Variants in PRKCQ observed in about 807,000 individuals in gnomAD.
PRKCQ encodes protein kinase C theta.
In PRKCQ, 41 loss-of-function variants were observed where a neutral mutation model predicts 91.2. The ratio of observed to expected loss-of-function variants is 0.45; its 90% CI spans 0.35 to 0.58. PRKCQ has a LOEUF of 0.58. Among genes scored for constraint, PRKCQ ranks in the 20% least tolerant of loss-of-function variants. The probability of loss-of-function intolerance (pLI) is 0.00; values close to 1 mark genes in which losing one functional copy is unlikely to be tolerated. For synonymous variants in PRKCQ, 307 were observed against 316.9 expected, an observed-to-expected ratio of 0.97 and a Z score of 0.33; for missense variants, 673 against 896.5, an observed-to-expected ratio of 0.75 and a Z score of 3.18.
chr10:6,544,562 A>C (rs1287845674), intron 1 of PRKCQ, among the ~76,000 whole-genome samples: 1 of 151,868 alleles, frequency 6.6e-6, no homozygotes, highest in Non-Finnish European at 1.5e-5. Flanking sequence ...TTAGAATCTG[A>C]ATTTGTGTGA....
At chr10:6,514,171 T>A (rs1031466514) in intron 2 of PRKCQ, among the ~76,000 whole-genome samples, 2 of 152,140 alleles carry the variant, frequency 1.3e-5, no homozygotes, top group Non-Finnish European at 2.9e-5. Flanking sequence ...CAAGCCTGCA[T>A]CCATCATCAT....
rs141424226 is a variant in PRKCQ at position 6,546,251 on chromosome 10, G to A, written c.-9-31107C>T. ...TTTTGTGTATCAATTAATAGTAAGC[G>A]TCTTAAAACAAAAAGGGCAGTAAAA... On this transcript the variant is annotated intron_variant, in intron 1 of 17. Coordinates refer to ENST00000263125, the MANE Select transcript of PRKCQ (RefSeq NM_006257.5). Among the ~76,000 whole-genome samples the A allele has an allele frequency of 4.0e-4, 61 of 152,138 alleles. 2 individuals are homozygous for A. In the East Asian group the frequency reaches 9.3e-3, roughly 23 times the overall value.
At chr10:6,440,507 C>T (rs1327142848) in intron 16 of PRKCQ, among the ~76,000 whole-genome samples, 1 of 152,154 alleles carries the variant, frequency 6.6e-6, no homozygotes. Flanking sequence ...TTTTTCTGCT[C>T]ATCCTCTTTC....
chr10:6,403,446 C>A, the PRKCQ span, among the ~76,000 whole-genome samples: 2 of 152,224 alleles, frequency 1.3e-5, no homozygotes, highest in Non-Finnish European at 2.9e-5. Context: ...GCTCAGCATT[C>A]ATGTCTTCAT....
intron 7 of PRKCQ, among the ~76,000 whole-genome samples, chr10:6,494,900 T>A (rs940691983): frequency 2.6e-5 from 4 of 152,232 alleles, no homozygotes; most frequent in Non-Finnish European, 1.5e-5. Context: ...CCTCTCCGAC[T>A]CAACATGTCC....
the PRKCQ span, among the ~76,000 whole-genome samples, chr10:6,419,685 CTTTT>C: frequency 7.7e-4 from 83 of 108,018 alleles, no homozygotes; most frequent in African/African-American, 2.4e-3. Context: ...CTGAAATCTC[CTTTT>C]TTTTTTTTTT....
intron 1 of PRKCQ, among the ~76,000 whole-genome samples, chr10:6,566,420 C>T (rs377481004): frequency 1.4e-4 from 22 of 152,252 alleles, no homozygotes; most frequent in African/African-American, 5.1e-4. Flanking sequence ...GCGAAAAGGA[C>T]CCCTCAAAAC....
At chr10:6,523,641 C>A (rs1839098162) in intron 1 of PRKCQ, among the ~76,000 whole-genome samples, 1 of 151,974 alleles carries the variant, frequency 6.6e-6, no homozygotes, top group South Asian at 2.1e-4. Context: ...CACTTTCCCC[C>A]AAAAAACCAA....
chr10:6,404,891 TTCTCTCTC>T, the PRKCQ span, among the ~76,000 whole-genome samples: 2 of 122,222 alleles, frequency 1.6e-5, no homozygotes, highest in Non-Finnish European at 3.6e-5. Context: ...TTTTCTTTCT[TTCTCTCTC>T]TCTCTCCTTC....
chr10:6,569,407 C>G (rs1001605278), intron 1 of PRKCQ, among the ~76,000 whole-genome samples: 2 of 151,852 alleles, frequency 1.3e-5, no homozygotes, highest in African/African-American at 4.9e-5. Flanking sequence ...TAAAGAGGCT[C>G]AGACTTGGAG....
chr10:6,564,636 G>C (rs1840769814), intron 1 of PRKCQ, among the ~76,000 whole-genome samples: 1 of 152,142 alleles, frequency 6.6e-6, no homozygotes, highest in Non-Finnish European at 1.5e-5. Flanking sequence ...CCTTATGAGA[G>C]GGCCCTAGGG....
In PRKCQ at chr10:6,527,411, C is replaced by T. The variant is rs964698087; in HGVS notation, c.-9-12267G>A. Among the ~76,000 whole-genome samples the T allele has an allele frequency of 2.6e-5, 4 of 152,204 alleles. No homozygotes were observed. In the South Asian group the frequency reaches 6.2e-4, roughly 24 times the overall value. On this transcript the variant is annotated intron_variant, in intron 1 of 17. Coordinates refer to ENST00000263125, the MANE Select transcript of PRKCQ (RefSeq NM_006257.5). ...GAGGACAACAGCACCCATCACTTAC[C>T]GAGCAGTTGCTAATCATGGTCATTA...
At chr10:6,574,514 T>G (rs1051961106) in intron 1 of PRKCQ, among the ~76,000 whole-genome samples, 1 of 152,184 alleles carries the variant, frequency 6.6e-6, no homozygotes, top group Non-Finnish European at 1.5e-5. Context: ...CGTATATGGT[T>G]CACCTGCTTA....
intron 16 of PRKCQ, among the ~76,000 whole-genome samples, chr10:6,437,503 T>G (rs1441574189): frequency 6.6e-6 from 1 of 152,214 alleles, no homozygotes; most frequent in Non-Finnish European, 1.5e-5. Context: ...TATCTTGTTA[T>G]GGAGCCCAAG....
Position 6,534,780 on chromosome 10 carries a change from A to C in PRKCQ, c.-9-19636T>G, listed in dbSNP as rs376787095. 2.8e-3 allele frequency among the ~76,000 whole-genome samples: 395 copies of C among 140,262 alleles called. 1 individual carries two copies. Among genetic ancestry groups the C allele is most frequent in the East Asian group, 3.9e-3 (20 of 5,086 alleles). The allele number at this position is 140,262 out of a possible 152,430, so 92.0% of individuals were successfully genotyped here. A position where few individuals can be genotyped will look rare whatever the true frequency, so the allele number is the denominator to read the frequency against. ...GTTAAATAGAAACATATATCTATATATATATATATATAGATATATATATAT... is the reference window on the plus strand; with the variant it reads ...GTTAAATAGAAACATATATCTATATCTATATATATATAGATATATATATAT... On this transcript the variant is annotated intron_variant, in intron 1 of 17. Coordinates refer to ENST00000263125, the MANE Select transcript of PRKCQ (RefSeq NM_006257.5).
the PRKCQ span, among the ~76,000 whole-genome samples, chr10:6,415,401 AATACATATATATATATATAT>A: frequency 9.1e-6 from 1 of 110,362 alleles, no homozygotes; most frequent in South Asian, 3.1e-4. Flanking sequence ...AGCCCAAGAA[AATACATATATATATATATAT>A]ATATATATAT....
intron 12 of PRKCQ, among the ~76,000 whole-genome samples, chr10:6,474,270 G>T (rs948653662): frequency 6.6e-6 from 1 of 152,216 alleles, no homozygotes; most frequent in Admixed American, 6.5e-5. Context: ...CCTCTCTTCA[G>T]AGGCCTGCAA....
chr10:6,435,247 G>A lies in PRKCQ; in HGVS notation c.1837-4309C>T, dbSNP rs186891894. On this transcript the variant is annotated intron_variant, in intron 16 of 17. Coordinates refer to ENST00000263125, the MANE Select transcript of PRKCQ (RefSeq NM_006257.5). ...ATGCCCTAGGTGGGCCAATGGCAAC[G>A]GGTCTGGCACTGCTGCTGTCACAGA... Among the ~76,000 whole-genome samples, 278 of 152,322 alleles carry A rather than the reference G, an allele frequency of 1.8e-3. 2 individuals carry two copies. The highest frequency in any genetic ancestry group is 6.4e-3 in the African/African-American group (264 of 41,568).
chr10:6,518,147 A>G (rs1838847991), intron 1 of PRKCQ, among the ~76,000 whole-genome samples: 1 of 152,232 alleles, frequency 6.6e-6, no homozygotes, highest in African/African-American at 2.4e-5. Flanking sequence ...AAATTCACAG[A>G]ACTACACCAA....
Sources: gnomAD v4.1 joint callset for allele counts (sites outside exome capture counted in the v4.1 genomes callset) on GRCh38, gnomAD v4.1.1 for gene constraint, MANE v1.5 for transcripts, NCBI Gene and HGNC (gene_info 2026-07-23, HGNC 2026-07-21) for gene names.